The following KIF26B variants were observed in gnomAD, a reference collection of about 807,000 sequenced individuals.
KIF26B encodes kinesin-like protein KIF26B.
A neutral mutation model predicts 151.2 loss-of-function variants in KIF26B; 63 were observed. The observed-to-expected ratio is 0.42, with a 90% CI of 0.34 to 0.51. The LOEUF (loss-of-function observed/expected upper bound fraction) is 0.51. Ranked by LOEUF, KIF26B falls within the 20% of genes least tolerant of loss-of-function variation. KIF26B has a pLI of 0.07. For synonymous variants in KIF26B, 1,357 were observed against 1,262.1 expected (o/e 1.08, Z -1.59); for missense variants, 2,813 against 2,913.6 (o/e 0.97, Z 0.79).
intron 9 of KIF26B, among the ~76,000 whole-genome samples, chr1:245,644,573 A>G (rs144163318): frequency 7.9e-4 from 120 of 152,140 alleles, no homozygotes; most frequent in African/African-American, 2.9e-3. Context: ...CAGTTTGATC[A>G]TTTTTTTGTT....
chr1:245,686,771 G>A lies in KIF26B; in HGVS notation c.3788G>A (p.Ser1263Asn), dbSNP rs759608439. Residue 1263 changes from serine to asparagine, a missense_variant, in exon 12 of 15, where the codon AGC becomes AAC. Ser to Asn is a conservative substitution (Grantham distance 46). Coordinates refer to ENST00000407071, the MANE Select transcript of KIF26B (RefSeq NM_018012.4). This position sits in a 1 kb window ranked among gnomAD's most constrained non-coding sequence, Gnocchi z 5.6. ...CAGTTCTTGCCCCTCCCGAAGATGA[G>A]CCTGGATGAGAAGGCCCAGGACGCA... is the stretch of plus-strand genomic sequence containing the variant. ...ITQFLPLPKM[S>N]LDEKAQDAGS... 2.5e-6 allele frequency: 4 copies of A among 1,613,378 alleles called. No homozygotes were observed. Among genetic ancestry groups the A allele is most frequent in the Non-Finnish European group, 2.5e-6 (3 of 1,179,788 alleles).
chr1:245,288,158 A>C (rs1671199255), intron 2 of KIF26B, among the ~76,000 whole-genome samples: 1 of 152,140 alleles, frequency 6.6e-6, no homozygotes, highest in African/African-American at 2.4e-5. Context: ...CTCGGAGTCC[A>C]TCTGCTCTGA....
intron 4 of KIF26B, among the ~76,000 whole-genome samples, chr1:245,487,133 G>A (rs1457784267): frequency 6.6e-6 from 1 of 152,026 alleles, no homozygotes; most frequent in African/African-American, 2.4e-5. Context: ...GAAGTGTTTT[G>A]CCAGTGTAGC....
intron 2 of KIF26B, among the ~76,000 whole-genome samples, chr1:245,262,382 C>G (rs1041029654): frequency 6.6e-6 from 1 of 152,156 alleles, no homozygotes; most frequent in Admixed American, 6.5e-5. Context: ...TCTACCTGTG[C>G]GTCACTTTTT....
At chr1:245,430,220 G>A (rs1658745644) in intron 4 of KIF26B, among the ~76,000 whole-genome samples, 1 of 151,950 alleles carries the variant, frequency 6.6e-6, no homozygotes, top group African/African-American at 2.4e-5. Context: ...CCTGTGAACT[G>A]AAGGAGAGGA....
chr1:245,674,879 A>G (rs2044339293), intron 10 of KIF26B, among the ~76,000 whole-genome samples: 1 of 152,164 alleles, frequency 6.6e-6, no homozygotes, highest in African/African-American at 2.4e-5. Context: ...TCGGCCCAAG[A>G]CTACTGACAC....
intron 2 of KIF26B, among the ~76,000 whole-genome samples, chr1:245,300,642 C>T (rs763317898): frequency 2.6e-5 from 4 of 151,688 alleles, no homozygotes; most frequent in Non-Finnish European, 4.4e-5. Flanking sequence ...GATTCTCCTG[C>T]CTCAGCCTCC....
chr1:245,577,216 G>C (rs1026584927), intron 5 of KIF26B, among the ~76,000 whole-genome samples: 1 of 152,166 alleles, frequency 6.6e-6, no homozygotes, highest in East Asian at 1.9e-4. Flanking sequence ...TGTTTGTGTC[G>C]TAGGGGGATG....
chr1:245,394,767 C>T (rs966723124), intron 3 of KIF26B, among the ~76,000 whole-genome samples: 3 of 147,810 alleles, frequency 2.0e-5, no homozygotes, highest in Non-Finnish European at 3.0e-5. Context: ...CTCGGCTCAC[C>T]GCAGTCTCCA....
chr1:245,379,052 C>T lies in KIF26B; in HGVS notation c.999+11685C>T, dbSNP rs146331055. Among the ~76,000 whole-genome samples the T allele has an allele frequency of 1.2e-3, 180 of 152,328 alleles. 2 individuals are homozygous for T. The East Asian group carries it at 0.028, about 23-fold the overall frequency. The stretch of plus-strand genomic sequence containing the variant: ...ACTCAAGTTAAATGGAATCAGGACC[C>T]TCTTTTCCATTGTAAGAGCCAGTGG... On this transcript the variant is annotated intron_variant, in intron 3 of 14. Transcript: ENST00000407071.
At chr1:245,640,774 GAAGAAAAGAAACAAA>G (rs2043883763) in intron 9 of KIF26B, among the ~76,000 whole-genome samples, 1 of 151,918 alleles carries the variant, frequency 6.6e-6, no homozygotes, top group East Asian at 1.9e-4. Flanking sequence ...CATTGTAGCA[GAAGAAAAGAAACAAA>G]AAGAAAAAAA....
chr1:245,604,055 C>T (rs567998739), intron 6 of KIF26B, among the ~76,000 whole-genome samples: 31 of 152,160 alleles, frequency 2.0e-4, no homozygotes, highest in Middle Eastern at 3.4e-3. Flanking sequence ...CTAAGTGGCA[C>T]GAAACAGCAC....
At chr1:245,434,973 G>GTCCATCCA (rs371849206) in intron 4 of KIF26B, among the ~76,000 whole-genome samples, 9,393 of 135,526 alleles carry the variant, frequency 0.069, 333 homozygotes, top group East Asian at 0.11. Context: ...ATGCTCTTTT[G>GTCCATCCA]TCCATCCATC....
chr1:245,387,201 G>A (rs1673572456), intron 3 of KIF26B, among the ~76,000 whole-genome samples: 1 of 131,254 alleles, frequency 7.6e-6, no homozygotes, highest in Non-Finnish European at 1.6e-5. Context: ...TTTCACTCTT[G>A]TCACCCAAGC....
chr1:245,662,958 C>T (rs10802240), intron 10 of KIF26B, among the ~76,000 whole-genome samples: 101,168 of 149,038 alleles, frequency 0.68, 34,504 homozygotes, highest in East Asian at 0.82. Context: ...TCTCAGGTCA[C>T]CTCTGTCTTT....
intron 5 of KIF26B, among the ~76,000 whole-genome samples, chr1:245,579,071 T>G (rs1160736585): frequency 6.6e-6 from 1 of 152,244 alleles, no homozygotes; most frequent in Non-Finnish European, 1.5e-5. Flanking sequence ...CTGTCCTGTT[T>G]CCTTTTCATT....
intron 5 of KIF26B, among the ~76,000 whole-genome samples, chr1:245,556,061 C>T (rs750482542): frequency 3.3e-5 from 5 of 152,154 alleles, no homozygotes; most frequent in African/African-American, 9.7e-5. Context: ...CCCGAGATAG[C>T]GCTCCGGCTT....
At chr1:245,514,858 G>A (rs528362345) in intron 4 of KIF26B, among the ~76,000 whole-genome samples, 18 of 152,236 alleles carry the variant, frequency 1.2e-4, no homozygotes, top group Middle Eastern at 3.4e-3. Context: ...TAGGTTTTTC[G>A]AGAATTAAAT....
Position 245,686,556 on chromosome 1 carries a change from G to A in KIF26B, c.3573G>A (p.Thr1191=), listed in dbSNP as rs749172509. 11 of 1,613,032 alleles carry A rather than the reference G, an allele frequency of 6.8e-6. No individual in the cohort carries two copies. Among genetic ancestry groups the A allele is most frequent in the South Asian group, 2.2e-5 (2 of 91,062 alleles). ...ELNGEDELVF[T]LVEELTISGV... Reference sequence around the variant, plus strand: ...ACGGTGAGGACGAGCTGGTGTTCACGCTGGTGGAGGAGCTGACCATCAGCG... The same window carrying A: ...ACGGTGAGGACGAGCTGGTGTTCACACTGGTGGAGGAGCTGACCATCAGCG... The change falls in exon 12 of 15, where the codon ACG becomes ACA. Residue 1191 remains threonine, a synonymous_variant. Coordinates refer to ENST00000407071, the MANE Select transcript of KIF26B (RefSeq NM_018012.4). The surrounding 1 kb of genome is among the most constrained non-coding windows in gnomAD (Gnocchi z 5.6).
Sources: gnomAD v4.1 joint callset for allele counts (sites outside exome capture counted in the v4.1 genomes callset) on GRCh38, gnomAD v4.1.1 for gene constraint, Gnocchi (gnomAD v3.1) non-coding constraint, MANE v1.5 for transcripts, NCBI Gene and HGNC (gene_info 2026-07-23, HGNC 2026-07-21) for gene names.